ANKRD6: variants seen among roughly 807,000 people sequenced by gnomAD.
ANKRD6 encodes the protein ankyrin repeat domain 6.
Under a neutral mutation model 82.3 loss-of-function variants are expected in ANKRD6, and 56 were observed. The observed-to-expected ratio is 0.68, with a 90% CI of 0.55 to 0.85. ANKRD6 has a LOEUF of 0.85. ANKRD6 is among the 40% of genes least tolerant of loss of function. The pLI is 0.00. For missense variants in ANKRD6, 852 were observed against 907.6 expected (o/e 0.94, Z 0.79); for synonymous variants, 347 against 352.1 (o/e 0.99, Z 0.16).
chr6:89,604,282 C>T (rs1002099524), intron 4 of ANKRD6, among the ~76,000 whole-genome samples: 4 of 151,810 alleles, frequency 2.6e-5, no homozygotes, highest in South Asian at 2.1e-4. Flanking sequence ...GAGCTGAGAT[C>T]GTGCCATTGC....
At chr6:89,501,052 C>T (rs376069309) in intron 1 of ANKRD6, among the ~76,000 whole-genome samples, 1 of 149,096 alleles carries the variant, frequency 6.7e-6, no homozygotes, top group African/African-American at 2.5e-5. Context: ...TAGGAATGCT[C>T]ATCAAGACGG....
chr6:89,465,777 C>A (rs954501711), intron 1 of ANKRD6, among the ~76,000 whole-genome samples: 1 of 152,008 alleles, frequency 6.6e-6, no homozygotes, highest in African/African-American at 2.4e-5. Context: ...GTAGGAGGAT[C>A]ACTTGAGCCC....
At chr6:89,607,838 G>A (rs1799169579) in intron 5 of ANKRD6, among the ~76,000 whole-genome samples, 1 of 144,480 alleles carries the variant, frequency 6.9e-6, no homozygotes, top group Admixed American at 6.7e-5. Context: ...AGTAGAGATG[G>A]GGTTTCACCA....
intron 10 of ANKRD6, among the ~76,000 whole-genome samples, chr6:89,622,600 A>T (rs1167989537): frequency 6.6e-6 from 1 of 152,198 alleles, no homozygotes; most frequent in Non-Finnish European, 1.5e-5. Context: ...TATATGAATT[A>T]GAAAAAGATG....
At chr6:89,602,773 G>T in intron 3 of ANKRD6, 1 of 468,354 alleles carries the variant, frequency 2.1e-6, no homozygotes, top group East Asian at 3.5e-5. Flanking sequence ...GGTTGGCTCT[G>T]TGGCCGAGGG....
chr6:89,550,152 A>T (rs1191190956), intron 1 of ANKRD6, among the ~76,000 whole-genome samples: 1 of 152,152 alleles, frequency 6.6e-6, no homozygotes, highest in Non-Finnish European at 1.5e-5. Flanking sequence ...CATACCTATG[A>T]CCTAGTAATT....
At chr6:89,474,795 G>A (rs1362967313) in intron 1 of ANKRD6, among the ~76,000 whole-genome samples, 1 of 152,192 alleles carries the variant, frequency 6.6e-6, no homozygotes, top group East Asian at 1.9e-4. Flanking sequence ...TCCACCCACA[G>A]TGAAAGTGAA....
Position 89,616,579 on chromosome 6 carries a change from C to T in ANKRD6, c.636C>T (p.His212=), listed in dbSNP as rs17854196. The change falls in exon 8 of 16, where the codon CAC becomes CAT. Residue 212 remains histidine, a synonymous_variant. Coordinates refer to ENST00000339746, the MANE Select transcript of ANKRD6 (RefSeq NM_001242809.2). The stretch of plus-strand genomic sequence containing the variant: ...TCCAGGCTGGAGACACAGCACTTCA[C>T]GTTGCTGCTGCCCTAAATCACAAGA... ...EKNQAGDTAL[H]VAAALNHKKV... 1.8e-5 allele frequency: 29 copies of T among 1,614,030 alleles called. No homozygotes were observed. The highest frequency in any genetic ancestry group is 1.2e-4 in the Admixed American group (7 of 60,026).
chr6:89,567,044 CAG>C lies in ANKRD6; in HGVS notation c.72_73del (p.Asn25CysfsTer27). ...CTCGTAGCTGCGTACAAAGGCCAAA[CAG>C]AGAATGTGGTTCAGCTCATCAACAA... On this transcript the variant is annotated frameshift_variant, in exon 2 of 16. Transcript: ENST00000339746. LOFTEE classifies it high-confidence loss of function. 1.2e-6 allele frequency: 2 copies of C among 1,607,512 alleles called. No individual in the cohort carries two copies. Among genetic ancestry groups the C allele is most frequent in the South Asian group, 1.1e-5 (1 of 89,386 alleles).
chr6:89,538,729 A>C (rs1454421018), intron 1 of ANKRD6, among the ~76,000 whole-genome samples: 1 of 152,196 alleles, frequency 6.6e-6, no homozygotes, highest in Non-Finnish European at 1.5e-5. Flanking sequence ...TCTAGGGGGA[A>C]ATTCCATCAA....
At chr6:89,584,577 G>A (rs555038126) in intron 2 of ANKRD6, among the ~76,000 whole-genome samples, 1 of 152,304 alleles carries the variant, frequency 6.6e-6, no homozygotes, top group African/African-American at 2.4e-5. Context: ...TAGGGTATGT[G>A]GGTGAATAGG....
At chr6:89,470,176 A>G (rs532527715) in intron 1 of ANKRD6, among the ~76,000 whole-genome samples, 4 of 152,196 alleles carry the variant, frequency 2.6e-5, no homozygotes, top group African/African-American at 4.8e-5. Flanking sequence ...TTTTGTATCA[A>G]TGAAATCACA....
At chr6:89,435,591 GTC>G (rs1231121139) in intron 1 of ANKRD6, among the ~76,000 whole-genome samples, 1 of 152,170 alleles carries the variant, frequency 6.6e-6, no homozygotes, top group Non-Finnish European at 1.5e-5. Context: ...GGATCTTTTA[GTC>G]TCTGTCTTCT....
chr6:89,448,615 A>G (rs1048039170), intron 1 of ANKRD6, among the ~76,000 whole-genome samples: 2 of 152,166 alleles, frequency 1.3e-5, no homozygotes, highest in Non-Finnish European at 2.9e-5. Flanking sequence ...TTGACAATGT[A>G]CCTAGTCACC....
At chr6:89,495,538 T>C (rs1274135880) in intron 1 of ANKRD6, among the ~76,000 whole-genome samples, 1 of 152,132 alleles carries the variant, frequency 6.6e-6, no homozygotes, top group Non-Finnish European at 1.5e-5. Flanking sequence ...ACTATATAAA[T>C]GGAATCAACT....
intron 1 of ANKRD6, among the ~76,000 whole-genome samples, chr6:89,465,050 C>T (rs1445614675): frequency 6.6e-6 from 1 of 152,064 alleles, no homozygotes; most frequent in Non-Finnish European, 1.5e-5. Context: ...AAAATTCTGG[C>T]CCACTTAGAT....
At chr6:89,530,243 A>T (rs1286964364) in intron 1 of ANKRD6, among the ~76,000 whole-genome samples, 1 of 152,216 alleles carries the variant, frequency 6.6e-6, no homozygotes, top group African/African-American at 2.4e-5. Flanking sequence ...CAACAGAGTG[A>T]GACCCTGTCT....
Position 89,631,336 on chromosome 6 carries a change from C to G in ANKRD6, c.*332C>G. The G allele has an allele frequency of 5.1e-6, 1 of 194,802 alleles. No homozygotes were observed. The highest frequency in any genetic ancestry group is 1.0e-5 in the Non-Finnish European group (1 of 96,014). 12.1% of individuals were successfully genotyped at this position (194,802 alleles called of 1,614,324 possible). A position where few individuals can be genotyped will look rare whatever the true frequency, so the allele number is the denominator to read the frequency against. On this transcript the variant is annotated 3_prime_UTR_variant, in exon 16 of 16. Transcript: ENST00000339746. ...ATGTGTAAGCCTAGACTCTAAAATT[C>G]AAGATGTGTGAAATAATATAAGTCA...
intron 1 of ANKRD6, among the ~76,000 whole-genome samples, chr6:89,544,233 C>T (rs1402048376): frequency 3.7e-5 from 5 of 134,750 alleles, no homozygotes; most frequent in African/African-American, 1.4e-4. Context: ...TTAACTTACA[C>T]GAGGCCATTG....
Sources: allele counts gnomAD v4.1 joint callset (sites outside exome capture counted in the v4.1 genomes callset), GRCh38; gene constraint gnomAD v4.1.1; transcripts MANE v1.5; gene names NCBI Gene and HGNC (gene_info 2026-07-23, HGNC 2026-07-21).